WDPCP: variants seen among roughly 807,000 people sequenced by gnomAD.
WDPCP encodes WD repeat containing planar cell polarity effector, also known as WD repeat-containing and planar cell polarity effector protein fritz homolog.
A neutral mutation model predicts 93.1 loss-of-function variants in WDPCP; 71 were observed. The ratio of observed to expected loss-of-function variants is 0.76; its 90% CI spans 0.63 to 0.93. The LOEUF is 0.93. Ranked by LOEUF, WDPCP falls within the 40% of genes least tolerant of loss-of-function variation. The pLI is 0.00. For synonymous variants in WDPCP, 315 were observed against 315.0 expected (o/e 1.00, Z 0.00); for missense variants, 844 against 887.4 (o/e 0.95, Z 0.62).
At chr2:63,259,885 C>T (rs1203407831) in intron 13 of WDPCP, among the ~76,000 whole-genome samples, 1 of 152,102 alleles carries the variant, frequency 6.6e-6, no homozygotes, top group Non-Finnish European at 1.5e-5. Flanking sequence ...AATTGCTGGG[C>T]ACTGTTTTGG....
chr2:63,809,950 T>C (rs917332413), intron 2 of WDPCP, among the ~76,000 whole-genome samples: 1 of 151,994 alleles, frequency 6.6e-6, no homozygotes, highest in African/African-American at 2.4e-5. Context: ...AAAAAAAAAT[T>C]AATTCCTTCA....
intron 1 of WDPCP, among the ~76,000 whole-genome samples, chr2:63,574,557 G>A (rs1038989304): frequency 6.6e-6 from 1 of 151,980 alleles, no homozygotes; most frequent in Non-Finnish European, 1.5e-5. Context: ...TTATTTTAAG[G>A]TGCCTACCCT....
chr2:63,786,494 T>G (rs931055026), intron 2 of WDPCP, among the ~76,000 whole-genome samples: 2 of 152,140 alleles, frequency 1.3e-5, no homozygotes, highest in Non-Finnish European at 2.9e-5. Context: ...GGTCTAGAAT[T>G]TGTTCACAAT....
intron 1 of WDPCP, among the ~76,000 whole-genome samples, chr2:63,546,719 T>C (rs1221064007): frequency 1.3e-5 from 2 of 152,170 alleles, no homozygotes; most frequent in Admixed American, 1.3e-4. Flanking sequence ...CAAAGCCTTA[T>C]TTAATTTTTC....
At chr2:63,755,049 G>C (rs929297250) in intron 2 of WDPCP, among the ~76,000 whole-genome samples, 1 of 152,144 alleles carries the variant, frequency 6.6e-6, no homozygotes, top group Non-Finnish European at 1.5e-5. Context: ...TGACACTCAG[G>C]CCTCTTTATA....
At chr2:63,688,011 A>G (rs1189418723) in intron 2 of WDPCP, among the ~76,000 whole-genome samples, 1 of 152,262 alleles carries the variant, frequency 6.6e-6, no homozygotes, top group Non-Finnish European at 1.5e-5. Flanking sequence ...CAGCATAAAA[A>G]GGATGAGATC....
chr2:63,669,969 T>C (rs990574295), intron 2 of WDPCP, among the ~76,000 whole-genome samples: 3 of 152,152 alleles, frequency 2.0e-5, no homozygotes, highest in African/African-American at 4.8e-5. Context: ...TCTTCAACTA[T>C]AGAAAGGTAG....
intron 2 of WDPCP, among the ~76,000 whole-genome samples, chr2:63,782,825 C>A (rs538514959): frequency 6.6e-6 from 1 of 151,124 alleles, no homozygotes; most frequent in South Asian, 2.1e-4. Flanking sequence ...AACCTGGAGC[C>A]ATCACATTCC....
intron 1 of WDPCP, among the ~76,000 whole-genome samples, chr2:63,532,789 A>G (rs1002303953): frequency 4.6e-5 from 7 of 152,240 alleles, no homozygotes; most frequent in Non-Finnish European, 7.3e-5. Flanking sequence ...TGCTAGGAAG[A>G]AACTGCATCA....
chr2:63,146,404 G>T (rs572285425), intron 17 of WDPCP, among the ~76,000 whole-genome samples: 1 of 130,762 alleles, frequency 7.6e-6, no homozygotes, highest in South Asian at 2.4e-4. Context: ...TATTGAGAGC[G>T]TGTTTTTTTT....
At chr2:63,457,461 A>G (rs1177139867) in intron 6 of WDPCP, among the ~76,000 whole-genome samples, 3 of 152,230 alleles carry the variant, frequency 2.0e-5, no homozygotes, top group African/African-American at 7.2e-5. Flanking sequence ...CTATGAGTCC[A>G]GCATTACCAT....
chr2:63,185,549 G>A (rs1214411653), intron 14 of WDPCP, among the ~76,000 whole-genome samples: 1 of 152,112 alleles, frequency 6.6e-6, no homozygotes, highest in Non-Finnish European at 1.5e-5. Context: ...TTCAAATGCT[G>A]TTTGTAGTAG....
At chr2:63,577,693 T>A (rs1370397588) in intron 1 of WDPCP, among the ~76,000 whole-genome samples, 4 of 152,130 alleles carry the variant, frequency 2.6e-5, no homozygotes, top group African/African-American at 9.7e-5. Flanking sequence ...CCCTCTAAAA[T>A]TTTAAACAAA....
At chr2:63,264,072 T>C (rs1331326904) in intron 13 of WDPCP, among the ~76,000 whole-genome samples, 1 of 152,156 alleles carries the variant, frequency 6.6e-6, no homozygotes, top group Non-Finnish European at 1.5e-5. Context: ...AAAAAATTCC[T>C]CAAATTATAT....
chr2:63,769,849 G>T (rs550265561), intron 2 of WDPCP, among the ~76,000 whole-genome samples: 1 of 151,846 alleles, frequency 6.6e-6, no homozygotes, highest in Admixed American at 6.6e-5. Context: ...CTGTGTGAGG[G>T]ATACAGAATT....
upstream of WDPCP, chr2:63,589,494 GGTA>G: frequency 9.2e-7 from 1 of 1,090,368 alleles, no homozygotes; most frequent in Non-Finnish European, 1.4e-6. Flanking sequence ...AAGCTGGAAA[GGTA>G]GTATTTACCA....
intron 2 of WDPCP, among the ~76,000 whole-genome samples, chr2:63,688,147 C>T (rs1026347814): frequency 3.3e-5 from 5 of 152,142 alleles, no homozygotes; most frequent in Admixed American, 3.3e-4. Flanking sequence ...AAACGATTGG[C>T]CTGGCGCGGT....
chr2:63,466,511 A>G (rs1020978345), intron 6 of WDPCP, among the ~76,000 whole-genome samples: 2 of 152,192 alleles, frequency 1.3e-5, no homozygotes, highest in Admixed American at 6.5e-5. Flanking sequence ...TCTAACTTGT[A>G]CATTTAATAC....
At chr2:63,633,720 G>A (rs1709889176) in intron 3 of WDPCP, among the ~76,000 whole-genome samples, 1 of 152,144 alleles carries the variant, frequency 6.6e-6, no homozygotes, top group African/African-American at 2.4e-5. Context: ...CAATTAACAA[G>A]ATGGTAATAG....
Sources: gnomAD v4.1 joint callset for allele counts (sites outside exome capture counted in the v4.1 genomes callset) on GRCh38, gnomAD v4.1.1 for gene constraint, MANE v1.5 for transcripts, NCBI Gene and HGNC (gene_info 2026-07-23, HGNC 2026-07-21) for gene names.